Variants in PAAF1 observed in about 807,000 individuals in gnomAD.
PAAF1 encodes proteasomal ATPase-associated factor 1.
A neutral mutation model predicts 52.8 loss-of-function variants in PAAF1; 46 were observed. The ratio of observed to expected loss-of-function variants is 0.87; its 90% CI spans 0.69 to 1.11. PAAF1 has a LOEUF of 1.11. Ranked by LOEUF, PAAF1 falls within the 50% of genes most tolerant of loss-of-function variation. The probability of loss-of-function intolerance (pLI) is 0.00; values close to 1 mark genes in which losing one functional copy is unlikely to be tolerated. For synonymous variants in PAAF1, 178 were observed against 172.8 expected (o/e 1.03, Z -0.24); for missense variants, 424 against 477.4 (o/e 0.89, Z 1.04).
chr11:73,877,021 G>A lies in PAAF1; in HGVS notation c.-1G>A, dbSNP rs1230423078. On this transcript the variant is annotated 5_prime_UTR_variant, in exon 1 of 12. Coordinates refer to ENST00000310571, the MANE Select transcript of PAAF1 (RefSeq NM_025155.3). ...GGTGGGCTGGTGGAGGCGGGGTCGA[G>A]ATGGCGGCGCCTTTGAGGATTCAGA... is the stretch of plus-strand genomic sequence containing the variant. 6.5e-7 allele frequency: 1 copy of A among 1,534,888 alleles called. No homozygotes were observed. The highest frequency in any genetic ancestry group is 2.0e-5 in the Admixed American group (1 of 48,832).
intron 11 of PAAF1, among the ~76,000 whole-genome samples, chr11:73,925,344 C>A (rs1024277289): frequency 6.6e-6 from 1 of 151,502 alleles, no homozygotes; most frequent in Non-Finnish European, 1.5e-5. Context: ...CACCTGTAGT[C>A]CCAGCTACTC....
intron 9 of PAAF1, 97 bp downstream of exon 9, chr11:73,916,757 G>T: frequency 1.4e-6 from 1 of 703,940 alleles, no homozygotes; most frequent in Non-Finnish European, 2.3e-6. Context: ...GATAACTATT[G>T]AATCAAGGGT....
chr11:73,908,303 A>G (rs1949820735), intron 6 of PAAF1, among the ~76,000 whole-genome samples: 1 of 144,868 alleles, frequency 6.9e-6, no homozygotes, highest in East Asian at 2.0e-4. Context: ...ATGTGTGTAT[A>G]TATGTATATA....
intron 7 of PAAF1, among the ~76,000 whole-genome samples, chr11:73,909,865 G>T (rs1179812016): frequency 6.6e-6 from 1 of 152,158 alleles, no homozygotes; most frequent in Non-Finnish European, 1.5e-5. Flanking sequence ...CGATCTTTTG[G>T]CTTCCCTGGG....
At chr11:73,883,132 T>C (rs898849525) in intron 2 of PAAF1, among the ~76,000 whole-genome samples, 2 of 152,030 alleles carry the variant, frequency 1.3e-5, no homozygotes, top group African/African-American at 4.8e-5. Flanking sequence ...AACTCCTGTG[T>C]TTATTTTTTA....
At chr11:73,922,399 CT>C (rs1352197393) in intron 10 of PAAF1, among the ~76,000 whole-genome samples, 2 of 152,206 alleles carry the variant, frequency 1.3e-5, no homozygotes, top group East Asian at 3.9e-4. Context: ...AAAGGAAAAG[CT>C]TTCTTTTCCT....
chr11:73,885,342 C>T (rs1443364262), intron 2 of PAAF1, among the ~76,000 whole-genome samples: 1 of 151,514 alleles, frequency 6.6e-6, no homozygotes, highest in Non-Finnish European at 1.5e-5. Context: ...AGAGGTTTCA[C>T]TATGTTGGCC....
At chr11:73,877,099 A>G (rs1591027084) in intron 1 of PAAF1, 31 bp downstream of exon 1, 2 of 1,506,338 alleles carry the variant, frequency 1.3e-6, no homozygotes, top group East Asian at 2.6e-5. Context: ...GAGTCAGAGG[A>G]GGCGGGTAGT....
At chr11:73,883,977 T>C (rs1248509833) in intron 2 of PAAF1, among the ~76,000 whole-genome samples, 1 of 152,138 alleles carries the variant, frequency 6.6e-6, no homozygotes, top group African/African-American at 2.4e-5. Context: ...GCAGGATAGA[T>C]GGCATGAGAA....
intron 2 of PAAF1, among the ~76,000 whole-genome samples, chr11:73,881,778 C>T (rs140330448): frequency 1.0e-3 from 156 of 152,218 alleles, no homozygotes; most frequent in Middle Eastern, 3.4e-3. Context: ...GCAATCTTGG[C>T]TCACTGCAAC....
intron 6 of PAAF1, 32 bp downstream of exon 6, chr11:73,900,452 C>G (rs758431806): frequency 3.3e-6 from 5 of 1,514,286 alleles, no homozygotes; most frequent in Non-Finnish European, 4.5e-6. Context: ...AAAGGCTTCT[C>G]TAATGATCCC....
chr11:73,924,453 CA>C (rs967144612), intron 10 of PAAF1, among the ~76,000 whole-genome samples, 161 bp from the exon 11 acceptor site: 1 of 150,854 alleles, frequency 6.6e-6, no homozygotes, highest in Non-Finnish European at 1.5e-5. Flanking sequence ...TCTCAAAAAA[CA>C]AAAAAAAAGT....
intron 6 of PAAF1, among the ~76,000 whole-genome samples, chr11:73,905,472 T>C (rs540113967): frequency 6.6e-6 from 1 of 152,274 alleles, no homozygotes; most frequent in East Asian, 1.9e-4. Flanking sequence ...TCCTCCCTCA[T>C]TGGCCTCCCA....
chr11:73,899,720 G>A (rs1949543672), intron 5 of PAAF1, among the ~76,000 whole-genome samples: 1 of 152,108 alleles, frequency 6.6e-6, no homozygotes, highest in South Asian at 2.1e-4. Flanking sequence ...CCTCTCAGCT[G>A]TCAATTCGAG....
intron 7 of PAAF1, among the ~76,000 whole-genome samples, chr11:73,913,857 G>A (rs1949996575): frequency 6.6e-6 from 1 of 152,152 alleles, no homozygotes; most frequent in African/African-American, 2.4e-5. Flanking sequence ...CTAGTGTGGT[G>A]TCTTATCATG....
intron 10 of PAAF1, chr11:73,921,677 ACT>A (rs373737366): frequency 1.3e-6 from 1 of 790,222 alleles, no homozygotes; most frequent in Non-Finnish European, 2.2e-6. Flanking sequence ...GTCTTGAAAG[ACT>A]CTAGCATGAA....
intron 4 of PAAF1, among the ~76,000 whole-genome samples, chr11:73,895,260 A>C (rs1180663468): frequency 6.6e-6 from 1 of 152,202 alleles, no homozygotes; most frequent in African/African-American, 2.4e-5. Flanking sequence ...ATTGTGTTCC[A>C]TTTACTAATT....
chr11:73,899,177 G>A lies in PAAF1; in HGVS notation c.314G>A (p.Gly105Asp). Residue 105 changes from glycine (G) to aspartate (D), a missense_variant, in exon 5 of 12, where the codon GGT (glycine) becomes GAT (aspartate). Coordinates refer to ENST00000310571, the MANE Select transcript of PAAF1 (RefSeq NM_025155.3). ...TGCCTGGACATTTCCAGCAGAGGAG[G>A]TCTTGGTGTGTCTTCTAGTACTGAC... Reference protein sequence around the residue: ...ITCLDISSRGGLGVSSSTDGT... With the variant: ...ITCLDISSRGDLGVSSSTDGT... The A allele has an allele frequency of 6.2e-7, 1 of 1,614,060 alleles. No homozygotes were observed. Among genetic ancestry groups the A allele is most frequent in the Non-Finnish European group, 8.5e-7 (1 of 1,179,980 alleles).
chr11:73,925,570 A>C (rs1950333006), intron 11 of PAAF1, among the ~76,000 whole-genome samples: 1 of 152,134 alleles, frequency 6.6e-6, no homozygotes, highest in Non-Finnish European at 1.5e-5. Flanking sequence ...TAGTAATCTG[A>C]AAACTCTTTG....
Sources: gnomAD v4.1 joint callset for allele counts (sites outside exome capture counted in the v4.1 genomes callset) on GRCh38, gnomAD v4.1.1 for gene constraint, MANE v1.5 for transcripts, NCBI Gene and HGNC (gene_info 2026-07-23, HGNC 2026-07-21) for gene names.